The following WDR75 variants were observed in gnomAD, a reference collection of about 807,000 sequenced individuals.
WDR75 encodes the protein WD repeat domain 75.
WDR75 carries 52 observed loss-of-function variants against 106.1 expected under a neutral mutation model. That is an observed-to-expected ratio of 0.49 (90% CI 0.39 to 0.62). WDR75 has a LOEUF of 0.62. Among genes scored for constraint, WDR75 ranks in the 20% least tolerant of loss-of-function variants. The pLI, the probability that WDR75 is intolerant of heterozygous loss-of-function variation, is 0.00. For synonymous variants in WDR75, 333 were observed against 335.5 expected, an observed-to-expected ratio of 0.99 and a Z score of 0.08; for missense variants, 905 against 970.3, an observed-to-expected ratio of 0.93 and a Z score of 0.89.
intron 9 of WDR75, 83 bp from the exon 10 acceptor site, chr2:189,463,611 A>T (rs1304645529): frequency 2.2e-6 from 3 of 1,341,606 alleles, no homozygotes; most frequent in East Asian, 4.6e-5. Flanking sequence ...GTTAGGCTGC[A>T]TAAAAAGCCA....
intron 1 of WDR75, among the ~76,000 whole-genome samples, chr2:189,447,509 A>G (rs1049272100): frequency 1.3e-5 from 2 of 152,194 alleles, no homozygotes; most frequent in African/African-American, 2.4e-5. Flanking sequence ...GATGTTGGGG[A>G]CATGGAAAAA....
intron 19 of WDR75, 30 bp downstream of exon 19, chr2:189,474,362 G>A (rs755652845): frequency 4.7e-5 from 75 of 1,586,328 alleles, no homozygotes; most frequent in Non-Finnish European, 6.3e-5. Flanking sequence ...ATGTGAAACA[G>A]ATTAAATGCA....
In WDR75 at chr2:189,472,474, C is replaced by T. The variant is rs192652549; in HGVS notation, c.2049+1596C>T. 4.6e-5 allele frequency among the ~76,000 whole-genome samples: 7 copies of T among 152,206 alleles called. No homozygotes were observed. The East Asian group carries it at 1.3e-3, about 29-fold the overall frequency. ...CTTTCTAGAATGGTTCTCTATTATT[C>T]TTATTGTTTTGCCTATTTTTTGTTT... On this transcript the variant is annotated intron_variant, in intron 18 of 20. Coordinates refer to ENST00000314761, the MANE Select transcript of WDR75 (RefSeq NM_032168.3).
chr2:189,444,976 TCTTA>T (rs1686464612), intron 1 of WDR75, among the ~76,000 whole-genome samples: 1 of 152,178 alleles, frequency 6.6e-6, no homozygotes, highest in Non-Finnish European at 1.5e-5. Context: ...ATCCCTAATT[TCTTA>T]CTTCTTCACT....
rs777177090 is a variant in WDR75, at chr2:189,467,453, C to G, written c.1448-15C>G. 6.3e-7 allele frequency: 1 copy of G among 1,586,406 alleles called. No homozygotes were observed. ...TTTACACAATTTCTGAACATTATGG[C>G]TTATATTTCCACAGAAAAAGCTGTT... is the stretch of plus-strand genomic sequence containing the variant. On this transcript the variant is annotated splice_polypyrimidine_tract_variant and intron_variant, in intron 13 of 20. Transcript: ENST00000314761.
chr2:189,441,636 CG>C, intron 1 of WDR75, 58 bp downstream of exon 1: 1 of 1,528,972 alleles, frequency 6.5e-7, no homozygotes, highest in Non-Finnish European at 8.9e-7. Flanking sequence ...TCTCGAGGGT[CG>C]GGGAGAAGGA....
intron 5 of WDR75, 49 bp from the exon 6 acceptor site, chr2:189,457,262 A>C (rs757738690): frequency 7.7e-7 from 1 of 1,290,834 alleles, no homozygotes; most frequent in East Asian, 2.3e-5. Context: ...GAAAAAAAAA[A>C]GAGTGTTGAC....
Position 189,465,083 on chromosome 2 carries a change from A to T in WDR75, c.1118A>T (p.Asp373Val). Residue 373 changes from aspartate (D) to valine (V), a missense_variant, in exon 12 of 21, where the codon GAT becomes GTT. Coordinates refer to ENST00000314761, the MANE Select transcript of WDR75 (RefSeq NM_032168.3). ...TTGGTTTTTTTTACTCATCAGTTAG[A>T]TATTATACAGCAAGAATATATTAAT... ...LQSDKQLYNL[D>V]IIQQEYINDY... 6.3e-7 allele frequency: 1 copy of T among 1,585,380 alleles called. No individual in the cohort carries two copies.
At chr2:189,459,485 C>T (rs1419965408) in intron 8 of WDR75, 61 bp downstream of exon 8, 3 of 1,456,466 alleles carry the variant, frequency 2.1e-6, no homozygotes, top group African/African-American at 2.8e-5. Context: ...TGTTTTAATT[C>T]ACTGTATTTT....
chr2:189,462,392 T>TA, intron 8 of WDR75, 92 bp from the exon 9 acceptor site: 2 of 1,396,672 alleles, frequency 1.4e-6, no homozygotes, highest in Admixed American at 4.0e-5. Flanking sequence ...ATTTCTCTAG[T>TA]ACGGTAGCAA....
intron 11 of WDR75, 66 bp from the exon 12 acceptor site, chr2:189,465,013 A>G: frequency 8.5e-7 from 1 of 1,174,544 alleles, no homozygotes; most frequent in Non-Finnish European, 1.2e-6. Context: ...CATTTCTTGA[A>G]TGCTGTAACA....
chr2:189,450,017 T>A (rs892965798), intron 2 of WDR75: 1 of 985,232 alleles, frequency 1.0e-6, no homozygotes, highest in African/African-American at 1.7e-5. Flanking sequence ...TAAGCCTATG[T>A]GTTAGTAAGG....
intron 18 of WDR75, among the ~76,000 whole-genome samples, chr2:189,471,446 A>G (rs748483378): frequency 4.6e-5 from 7 of 152,240 alleles, no homozygotes; most frequent in Non-Finnish European, 7.3e-5. Context: ...ATTCATAGCC[A>G]AGCCATGTAG....
chr2:189,470,533 CT>C (rs555475903), intron 17 of WDR75, among the ~76,000 whole-genome samples: 215 of 146,928 alleles, frequency 1.5e-3, no homozygotes, highest in African/African-American at 4.7e-3. Context: ...TTTTCTTTTT[CT>C]TTTTTTTTTC....
intron 1 of WDR75, 22 bp downstream of exon 1, chr2:189,441,600 G>A (rs1327486780): frequency 6.4e-7 from 1 of 1,551,878 alleles, no homozygotes; most frequent in Non-Finnish European, 8.7e-7. Flanking sequence ...ACCGCGCTTT[G>A]TCGGCTGAGG....
intron 2 of WDR75, chr2:189,450,017 T>G (rs892965798): frequency 1.0e-6 from 1 of 985,232 alleles, no homozygotes; most frequent in South Asian, 4.7e-5. Flanking sequence ...TAAGCCTATG[T>G]GTTAGTAAGG....
intron 11 of WDR75, among the ~76,000 whole-genome samples, chr2:189,464,721 CAG>C (rs1686965745): frequency 6.6e-6 from 1 of 151,338 alleles, no homozygotes; most frequent in African/African-American, 2.5e-5. Flanking sequence ...TTTCTGTTGA[CAG>C]AGAATCTAGC....
At chr2:189,449,312 A>C in intron 2 of WDR75, 1 of 1,303,358 alleles carries the variant, frequency 7.7e-7, no homozygotes, top group South Asian at 1.2e-5. Flanking sequence ...ATTCCAAAGG[A>C]AATAAAGTAG....
intron 14 of WDR75, 99 bp from the exon 15 acceptor site, chr2:189,468,376 A>T: frequency 3.9e-6 from 4 of 1,033,332 alleles, no homozygotes; most frequent in Non-Finnish European, 4.4e-6. Flanking sequence ...TCTATATAAA[A>T]ATCTGCATTA....
Sources: allele counts gnomAD v4.1 joint callset (sites outside exome capture counted in the v4.1 genomes callset), GRCh38; gene constraint gnomAD v4.1.1; transcripts MANE v1.5; gene names NCBI Gene and HGNC (gene_info 2026-07-23, HGNC 2026-07-21).